KCNH3: variants seen among roughly 807,000 people sequenced by gnomAD.
The protein encoded by KCNH3 is voltage-gated inwardly rectifying potassium channel KCNH3.
Under a neutral mutation model 95.6 loss-of-function variants are expected in KCNH3, and 36 were observed. The ratio of observed to expected loss-of-function variants is 0.38; its 90% confidence interval spans 0.29 to 0.50. The LOEUF (loss-of-function observed/expected upper bound fraction) is 0.50. Ranked by LOEUF, KCNH3 falls within the 20% of genes least tolerant of loss-of-function variation. The pLI is 0.95. For missense variants in KCNH3, 1,030 were observed against 1,484.1 expected (o/e 0.69, Z 5.03); for synonymous variants, 620 against 646.3 (o/e 0.96, Z 0.62).
At position 49,549,166 on chromosome 12, in the gene KCNH3, CAT is replaced by C. The variant is rs1938168429; in HGVS notation, c.1462_1463del (p.Ile488ArgfsTer75). ...AGATCTTCTCCATCTGCACCATGCT[CAT>C]CGGCGGTGAGCCCGGCCGCGCGCGT... ...EKIFSICTML[I>X]GALMHAVVFG... On this transcript the variant is annotated frameshift_variant, in exon 8 of 15. Coordinates refer to ENST00000257981, the MANE Select transcript of KCNH3 (RefSeq NM_012284.3). LOFTEE classifies it high-confidence loss of function. 1 of 1,587,278 alleles carries C rather than the reference CAT, an allele frequency of 6.3e-7. No individual in the cohort carries two copies. The highest frequency in any genetic ancestry group is 8.6e-7 in the Non-Finnish European group (1 of 1,164,682).
chr12:49,555,688 G>A lies in KCNH3; in HGVS notation c.2205G>A (p.Gly735=). 6.2e-7 allele frequency: 1 copy of A among 1,605,612 alleles called. No individual in the cohort carries two copies. Among genetic ancestry groups the A allele is most frequent in the Non-Finnish European group, 8.5e-7 (1 of 1,174,872 alleles). The change falls in exon 12 of 15, where the codon GGG becomes GGA. Residue 735 remains glycine (G), a synonymous_variant. Transcript: ENST00000257981. ...CGCTGGAGGAGAAGGAGACAGATGG[G>A]GAGCAGGGCCCCACGGTCTCCCCAG... ...MSTLEEKETD[G]EQGPTVSPAP...
rs1304348210 is a variant in KCNH3 at position 49,541,265 on chromosome 12, C to T, written c.310+133C>T. The T allele has an allele frequency of 2.4e-5, 17 of 716,614 alleles. No individual in the cohort carries two copies. The East Asian group carries it at 3.3e-4, about 14-fold the overall frequency. 44.4% of individuals were successfully genotyped at this position (716,614 alleles called of 1,614,324 possible). ...CCATGTCATCCCATCTTCCCATCCC[C>T]CCATCCAACCCCTCTTGCTCCATCC... On this transcript the variant is annotated intron_variant, in intron 2 of 14. Transcript: ENST00000257981.
At position 49,544,351 on chromosome 12, in the gene KCNH3, C is replaced by T. The variant is rs368016044; in HGVS notation, c.1158C>T (p.Ile386=). 3.4e-5 allele frequency: 55 copies of T among 1,613,542 alleles called. No homozygotes were observed. In the African/African-American group the frequency reaches 5.9e-4, roughly 17 times the overall value. ...CVWFYIGQRE[I]ESSESELPEI... ...GGTTTTACATTGGCCAGCGGGAGAT[C>T]GAGAGCAGCGAATCCGAGCTGCCTG... Residue 386 remains isoleucine (I), a synonymous_variant, in exon 7 of 15, where the codon ATC becomes ATT. Coordinates refer to ENST00000257981, the MANE Select transcript of KCNH3 (RefSeq NM_012284.3).
intron 3 of KCNH3, 84 bp downstream of exon 3, chr12:49,541,848 T>C: frequency 6.8e-7 from 1 of 1,473,322 alleles, no homozygotes; most frequent in Non-Finnish European, 9.3e-7. Context: ...AGTACGGGGG[T>C]CCCCCATGCA....
intron 4 of KCNH3, 104 bp downstream of exon 4, chr12:49,542,943 GGCCTTGCCA>G: frequency 7.1e-7 from 1 of 1,414,112 alleles, no homozygotes; most frequent in Non-Finnish European, 9.5e-7. Context: ...GGGCCACCCA[GGCCTTGCCA>G]GCACTTTGGG....
chr12:49,555,107 C>A (rs1369477069), intron 11 of KCNH3, among the ~76,000 whole-genome samples: 1 of 152,048 alleles, frequency 6.6e-6, no homozygotes, highest in Non-Finnish European at 1.5e-5. Flanking sequence ...TAGTTAACAC[C>A]TCCAGGGCTT....
rs756076510 is a variant in KCNH3 at position 49,557,708 on chromosome 12, C to T, written c.3007C>T (p.Pro1003Ser). 3 of 1,613,766 alleles carry T rather than the reference C, an allele frequency of 1.9e-6. No individual in the cohort carries two copies. The highest frequency in any genetic ancestry group is 2.2e-5 in the South Asian group (2 of 91,092). Residue 1003 changes from proline (P) to serine (S), a missense_variant, in exon 15 of 15, where the codon CCT becomes TCT. Physicochemically the swap from Pro to Ser is moderately conservative, Grantham distance 74. Around this residue, in one of 9 missense-constraint regions of KCNH3, gnomAD observed 464 missense variants for 493.2 expected, o/e 0.94. Transcript: ENST00000257981. Reference protein sequence around the residue: ...FWTSTSDSEPPASGDLCSEPS... With the variant: ...FWTSTSDSEPSASGDLCSEPS... ...GACCTCCACCTCAGACTCAGAGCCC[C>T]CTGCCTCAGGAGACCTCTGCTCTGA... is the stretch of plus-strand genomic sequence containing the variant.
At chr12:49,548,487 T>C (rs557436638) in intron 7 of KCNH3, among the ~76,000 whole-genome samples, 42 of 152,116 alleles carry the variant, frequency 2.8e-4, no homozygotes, top group African/African-American at 9.6e-4. Flanking sequence ...CTCAGAGAAA[T>C]GCAGGAAGAG....
Position 49,539,546 on chromosome 12 carries a change from T to C in KCNH3, c.76+54T>C. 6.7e-7 allele frequency: 1 copy of C among 1,487,486 alleles called. No homozygotes were observed. Among genetic ancestry groups the C allele is most frequent in the Non-Finnish European group, 9.2e-7 (1 of 1,092,152 alleles). The allele number at this position is 1,487,486 out of a possible 1,614,324, so 92.1% of individuals were successfully genotyped here. On this transcript the variant is annotated intron_variant, in intron 1 of 14. Coordinates refer to ENST00000257981, the MANE Select transcript of KCNH3 (RefSeq NM_012284.3). This position sits in a 1 kb window ranked among gnomAD's most constrained non-coding sequence, Gnocchi z 6.7. The stretch of plus-strand genomic sequence containing the variant: ...CGGGCCGCCGGACCCTCGCCAGGGC[T>C]CCCGCCTTCCCCGAACCCCCAGCAG...
intron 12 of KCNH3, 94 bp downstream of exon 12, chr12:49,556,045 C>T (rs1343099621): frequency 4.5e-6 from 3 of 662,694 alleles, no homozygotes; most frequent in Non-Finnish European, 7.8e-6. Flanking sequence ...ATCTAACCAT[C>T]TTAACTCCCG....
intron 7 of KCNH3, among the ~76,000 whole-genome samples, chr12:49,547,853 G>A (rs906642149): frequency 2.0e-5 from 3 of 151,974 alleles, no homozygotes; most frequent in Non-Finnish European, 2.9e-5. Flanking sequence ...CAGCCAATCC[G>A]CCCTCTCTCC....
chr12:49,549,369 A>G lies in KCNH3; in HGVS notation c.1469-72A>G. ...TTGCCTAGGAGCGTGCGGGCCGAGG[A>G]CAGATGAGCCCAGCGTGGTGTCAGG... On this transcript the variant is annotated intron_variant, in intron 8 of 14. Transcript: ENST00000257981. The G allele has an allele frequency of 3.8e-6, 6 of 1,559,230 alleles. No individual in the cohort carries two copies. In the Admixed American group the frequency reaches 1.0e-4, roughly 26 times the overall value.
In KCNH3 at chr12:49,541,086, C is replaced by G. The variant is rs1011814880; in HGVS notation, c.264C>G (p.Asp88Glu). Residue 88 changes from aspartate (D) to glutamate (E), a missense_variant, in exon 2 of 15, where the codon GAC becomes GAG. Physicochemically the swap from Asp to Glu is conservative, Grantham distance 45 (BLOSUM62 2). Around this residue, in one of 9 missense-constraint regions of KCNH3, gnomAD observed 63 missense variants for 107.7 expected, o/e 0.59. Transcript: ENST00000257981. ...LVRQQIRKAL[D>E]EHKEFKAELI... ...GCCAACAGATCCGCAAGGCCCTGGA[C>G]GAGCACAAGGAGTTCAAGGCTGAGC... The G allele has an allele frequency of 1.2e-6, 2 of 1,610,932 alleles. No individual in the cohort carries two copies. Among genetic ancestry groups the G allele is most frequent in the South Asian group, 1.1e-5 (1 of 91,036 alleles).
At chr12:49,543,869 C>A in intron 5 of KCNH3, 46 bp from the exon 6 acceptor site, 1 of 1,565,330 alleles carries the variant, frequency 6.4e-7, no homozygotes. Flanking sequence ...GCAAGAGTGG[C>A]TGCCCCCCCA....
chr12:49,555,965 A>T lies in KCNH3; in HGVS notation c.2468+14A>T. ...TCTGAGCCCCAGGTGAGCAGACCCTAGGCCCCCGTGGCAGAGATGGTGGTG... is the reference window on the plus strand; with the variant it reads ...TCTGAGCCCCAGGTGAGCAGACCCTTGGCCCCCGTGGCAGAGATGGTGGTG... On this transcript the variant is annotated intron_variant, in intron 12 of 14. Coordinates refer to ENST00000257981, the MANE Select transcript of KCNH3 (RefSeq NM_012284.3). The T allele has an allele frequency of 2.3e-6, 3 of 1,329,384 alleles. No individual in the cohort carries two copies. Among genetic ancestry groups the T allele is most frequent in the Non-Finnish European group, 3.1e-6 (3 of 954,626 alleles). The allele number at this position is 1,329,384 out of a possible 1,614,324, so 82.3% of individuals were successfully genotyped here.
intron 12 of KCNH3, chr12:49,556,154 G>A (rs1938434673): frequency 1.7e-6 from 1 of 597,296 alleles, no homozygotes; most frequent in Non-Finnish European, 3.0e-6. Context: ...GGCACACGCT[G>A]CTCTGAACTC....
rs945472039 is a variant in KCNH3, at chr12:49,557,163, C to A, written c.2576-20C>A. ...TCCTCTTACCAGCCCCAGCTGATAA[C>A]CCCATCCTACTACCCACAGAGAGCG... is the stretch of plus-strand genomic sequence containing the variant. On this transcript the variant is annotated intron_variant, in intron 13 of 14. Transcript: ENST00000257981. 3 of 1,613,722 alleles carry A rather than the reference C, an allele frequency of 1.9e-6. No individual in the cohort carries two copies. Among genetic ancestry groups the A allele is most frequent in the Non-Finnish European group, 2.5e-6 (3 of 1,179,746 alleles).
At chr12:49,557,054 C>A in intron 13 of KCNH3, 129 bp from the exon 14 acceptor site, 1 of 914,056 alleles carries the variant, frequency 1.1e-6, no homozygotes. Context: ...TGGGCAAGGC[C>A]AGAAGAGATG....
At chr12:49,542,616 A>C (rs774500900) in intron 3 of KCNH3, 90 bp from the exon 4 acceptor site, 30 of 1,419,566 alleles carry the variant, frequency 2.1e-5, no homozygotes, top group Non-Finnish European at 2.6e-5. Flanking sequence ...AGACCAGTCC[A>C]TGGGCCAGCA....
Sources: gnomAD v4.1 joint callset for allele counts (sites outside exome capture counted in the v4.1 genomes callset) on GRCh38, gnomAD v4.1.1 for gene constraint, gnomAD v4.1.1 regional missense constraint, Gnocchi (gnomAD v3.1) non-coding constraint, MANE v1.5 for transcripts, NCBI Gene and HGNC (gene_info 2026-07-23, HGNC 2026-07-21) for gene names.